NELFA: variants seen among roughly 807,000 people sequenced by gnomAD.
NELFA encodes the protein negative elongation factor A.
NELFA carries 35 observed loss-of-function variants against 51.8 expected under a neutral mutation model. That is an observed-to-expected ratio of 0.68 (90% CI 0.52 to 0.90). The LOEUF is 0.90. Among genes scored for constraint, NELFA ranks in the 40% least tolerant of loss-of-function variants. The probability of loss-of-function intolerance (pLI) is 0.00; values close to 1 mark genes in which losing one functional copy is unlikely to be tolerated. For missense variants in NELFA, 658 were observed against 746.4 expected (o/e 0.88, Z 1.38); for synonymous variants, 417 against 338.4 (o/e 1.23, Z -2.55).
intron 1 of NELFA, among the ~76,000 whole-genome samples, chr4:2,000,865 C>T (rs558696709): frequency 1.3e-5 from 2 of 152,312 alleles, no homozygotes; most frequent in African/African-American, 4.8e-5. Context: ...AGGCCAACAT[C>T]CCTGATGAAC....
At chr4:2,002,972 G>T (rs1456857170) in intron 1 of NELFA, among the ~76,000 whole-genome samples, 1 of 152,124 alleles carries the variant, frequency 6.6e-6, no homozygotes, top group Non-Finnish European at 1.5e-5. Flanking sequence ...GAAAATTTTT[G>T]CAATCTACTC....
At chr4:1,984,741 G>A (rs1219915157) in intron 8 of NELFA, 67 bp downstream of exon 8, 36 of 1,158,440 alleles carry the variant, frequency 3.1e-5, no homozygotes, top group South Asian at 2.0e-4. Flanking sequence ...CCCTGGCAGC[G>A]CCCGTGGGCA....
chr4:1,988,333 G>T (rs1218397317), intron 3 of NELFA, among the ~76,000 whole-genome samples: 2 of 152,270 alleles, frequency 1.3e-5, no homozygotes, highest in Non-Finnish European at 2.9e-5. Flanking sequence ...TGGCCCAGTG[G>T]TAGCACCGTC....
chr4:1,983,627 G>A lies in NELFA; in HGVS notation c.1371C>T (p.Ala457=). 1 of 1,614,074 alleles carries A rather than the reference G, an allele frequency of 6.2e-7. No individual in the cohort carries two copies. The highest frequency in any genetic ancestry group is 8.5e-7 in the Non-Finnish European group (1 of 1,179,988). ...AGCCGGCCATGAAGCCCAGGATGAG[G>A]GCCTTCTCGGGCCGCGTGACTTTGT... is the stretch of plus-strand genomic sequence containing the variant. ...TANKVTRPEK[A]LILGFMAGSR... is the part of the protein sequence containing the mutation. Residue 457 remains alanine, a synonymous_variant, in exon 10 of 11, where the codon GCC becomes GCT. Transcript: ENST00000382882.
rs990195935 is a variant in NELFA at position 1,983,706 on chromosome 4, G to A, written c.1303-11C>T. On this transcript the variant is annotated splice_polypyrimidine_tract_variant and intron_variant, in intron 9 of 10. Transcript: ENST00000382882. ...GAACATCTGCTCTCTCTACAGCGGG[G>A]AGAGGGGTGTGGGTGCCAGGGCCCC... 6.2e-7 allele frequency: 1 copy of A among 1,613,408 alleles called. No individual in the cohort carries two copies. The highest frequency in any genetic ancestry group is 1.3e-5 in the African/African-American group (1 of 74,936).
chr4:1,984,236 C>T (rs972692105), intron 8 of NELFA, 123 bp from the exon 9 acceptor site: 6 of 1,221,746 alleles, frequency 4.9e-6, no homozygotes, highest in Non-Finnish European at 3.3e-6. Flanking sequence ...ACAAGAACTC[C>T]CTGTGGCCCC....
intron 1 of NELFA, 48 bp downstream of exon 1, chr4:2,008,702 T>C (rs568590234): frequency 6.5e-7 from 1 of 1,550,264 alleles, no homozygotes; most frequent in African/African-American, 1.4e-5. Flanking sequence ...GGGTCGGAGG[T>C]GGGAAGGTTG....
rs1380448486 is a variant in NELFA, at chr4:1,986,331, C to A, written c.706G>T (p.Gly236Trp). Residue 236 changes from glycine to tryptophan, a missense_variant, in exon 5 of 11, where the codon GGG becomes TGG. By Grantham distance (184) the Gly-to-Trp change is radical (BLOSUM62 -2). Around this residue, in one of 3 missense-constraint regions of NELFA, gnomAD observed 371 missense variants for 448.3 expected, o/e 0.83. Transcript: ENST00000382882. ...GAAGGCGGGATGGGGGTCCGGTTCC[C>A]TGTGGGGCTGAAGACGCTGGGCGCC... Reference protein sequence around the residue: ...PTAPSVFSPTGNRTPIPPSRT... With the variant: ...PTAPSVFSPTWNRTPIPPSRT... 4 of 1,601,026 alleles carry A rather than the reference C, an allele frequency of 2.5e-6. No individual in the cohort carries two copies. The highest frequency in any genetic ancestry group is 3.4e-6 in the Non-Finnish European group (4 of 1,174,176).
Position 2,008,940 on chromosome 4 carries a change from C to G in NELFA, c.20G>C (p.Ser7Thr). The G allele has an allele frequency of 1.3e-6, 2 of 1,565,126 alleles. No homozygotes were observed. Among genetic ancestry groups the G allele is most frequent in the Non-Finnish European group, 1.7e-6 (2 of 1,154,886 alleles). The change falls in exon 1 of 11, where the codon AGC becomes ACC. Residue 7 changes from serine (S) to threonine (T), a missense_variant. Ser to Thr is a moderately conservative substitution (Grantham distance 58, BLOSUM62 1). This residue lies in a region of NELFA where 371 missense variants were observed against 448.3 expected (regional missense o/e 0.83). Transcript: ENST00000382882. ...GTTGTGCAGCCACAGGCCCGTGTCG[C>G]TCTCCCGCATGGACGCCATCTTGGG... MASMRE[S>T]DTGLWLHNKL...
intron 1 of NELFA, among the ~76,000 whole-genome samples, chr4:2,006,496 G>C (rs928099804): frequency 1.3e-5 from 2 of 152,196 alleles, no homozygotes; most frequent in South Asian, 4.1e-4. Context: ...AGGGCTGGGC[G>C]CACAGATCAC....
At chr4:2,002,208 A>G (rs893315851) in intron 1 of NELFA, among the ~76,000 whole-genome samples, 1 of 152,208 alleles carries the variant, frequency 6.6e-6, no homozygotes, top group African/African-American at 2.4e-5. Flanking sequence ...TCAGAAAAAA[A>G]AAGAAAAAAC....
Position 1,983,963 on chromosome 4 carries a change from G to A in NELFA, c.1187C>T (p.Thr396Ile). The A allele has an allele frequency of 6.2e-7, 1 of 1,611,462 alleles. No homozygotes were observed. Among genetic ancestry groups the A allele is most frequent in the Non-Finnish European group, 8.5e-7 (1 of 1,179,626 alleles). Residue 396 changes from threonine (T) to isoleucine (I), a missense_variant, in exon 9 of 11, where the codon ACA becomes ATA. Thr to Ile is a moderately conservative substitution (Grantham distance 89). Transcript: ENST00000382882. ...PTPAAPTSPLTPTTPPAVAPT... is the reference protein window; with the variant it reads ...PTPAAPTSPLIPTTPPAVAPT... ...GGCGACAGCCGGAGGTGTGGTGGGTGTCAGAGGCGAGGTGGGCGCCGCAGG... is the reference window on the plus strand; with the variant it reads ...GGCGACAGCCGGAGGTGTGGTGGGTATCAGAGGCGAGGTGGGCGCCGCAGG...
At chr4:1,995,254 C>T (rs1228843429) in intron 1 of NELFA, among the ~76,000 whole-genome samples, 1 of 152,230 alleles carries the variant, frequency 6.6e-6, no homozygotes, top group Non-Finnish European at 1.5e-5. Context: ...TCAGGGCTTA[C>T]ATCACTGGCT....
chr4:1,983,317 T>G lies in NELFA; in HGVS notation c.*2A>C, dbSNP rs1727952814. ...TGACGGCCAGCTGTGAGGCAGGTGGTTCTAGGACACATTGGTCATGGGCTT... is the reference window on the plus strand; with the variant it reads ...TGACGGCCAGCTGTGAGGCAGGTGGGTCTAGGACACATTGGTCATGGGCTT... On this transcript the variant is annotated 3_prime_UTR_variant, in exon 11 of 11. Coordinates refer to ENST00000382882, the MANE Select transcript of NELFA (RefSeq NM_005663.5). The G allele has an allele frequency of 1.2e-6, 2 of 1,613,358 alleles. No individual in the cohort carries two copies. Among genetic ancestry groups the G allele is most frequent in the South Asian group, 2.2e-5 (2 of 91,032 alleles).
chr4:1,986,091 G>T (rs374954650), intron 6 of NELFA, 23 bp downstream of exon 6: 9 of 1,548,170 alleles, frequency 5.8e-6, no homozygotes, highest in Non-Finnish European at 7.0e-6. Flanking sequence ...CATTGCCGCC[G>T]ACACGCAGGC....
At chr4:1,983,814 TG>T in intron 9 of NELFA, 33 bp downstream of exon 9, 2 of 1,571,170 alleles carry the variant, frequency 1.3e-6, no homozygotes, top group Non-Finnish European at 8.6e-7. Flanking sequence ...ACCACCTACC[TG>T]GTGGCCTGTG....
In NELFA at chr4:1,985,761, A is replaced by G; in HGVS notation, c.924+15T>C. On this transcript the variant is annotated intron_variant, in intron 7 of 10. Transcript: ENST00000382882. ...CGCAGTGGTGCCAGACATGGGGTGC[A>G]GCCCCGAGCCCTACCTGCGTGGACA... The G allele has an allele frequency of 6.2e-7, 1 of 1,610,812 alleles. No homozygotes were observed. The highest frequency in any genetic ancestry group is 1.1e-5 in the South Asian group (1 of 90,922).
chr4:1,996,556 T>C (rs965698865), intron 1 of NELFA, among the ~76,000 whole-genome samples: 22 of 152,158 alleles, frequency 1.4e-4, no homozygotes, highest in African/African-American at 4.8e-4. Flanking sequence ...AAAATTCTTA[T>C]AAAATCAACA....
chr4:1,991,771 T>C, intron 1 of NELFA, 56 bp from the exon 2 acceptor site: 1 of 1,520,124 alleles, frequency 6.6e-7, no homozygotes, highest in Non-Finnish European at 8.8e-7. Flanking sequence ...CCAAGCCCAC[T>C]CCCTGCTGAG....
Sources: gnomAD v4.1 joint callset for allele counts (sites outside exome capture counted in the v4.1 genomes callset) on GRCh38, gnomAD v4.1.1 for gene constraint, gnomAD v4.1.1 regional missense constraint, MANE v1.5 for transcripts, NCBI Gene and HGNC (gene_info 2026-07-23, HGNC 2026-07-21) for gene names.